Variants in FSTL5 observed in about 807,000 individuals in gnomAD.
FSTL5 encodes the protein follistatin like 5, also known as follistatin-related protein 5.
FSTL5 carries 62 observed loss-of-function variants against 89.1 expected under a neutral mutation model. The ratio of observed to expected loss-of-function variants is 0.70; its 90% confidence interval spans 0.57 to 0.86. The LOEUF is 0.86. FSTL5 is among the 40% of genes least tolerant of loss of function. FSTL5 has a pLI of 0.00. For missense variants in FSTL5, 1,057 were observed against 1,001.6 expected (o/e 1.06, Z -0.75); for synonymous variants, 383 against 346.2 (o/e 1.11, Z -1.18).
chr4:161,955,931 T>C (rs1045889928), intron 3 of FSTL5, among the ~76,000 whole-genome samples: 2 of 151,782 alleles, frequency 1.3e-5, no homozygotes, highest in African/African-American at 4.8e-5. Flanking sequence ...ACTTGTTCTC[T>C]ACCCTTCTAC....
At chr4:162,124,637 C>G (rs1167070444) in intron 1 of FSTL5, among the ~76,000 whole-genome samples, 1 of 152,158 alleles carries the variant, frequency 6.6e-6, no homozygotes, top group Non-Finnish European at 1.5e-5. Flanking sequence ...CAAAATAATA[C>G]TGAACGCTGG....
At chr4:161,698,516 C>T (rs150227500) in intron 6 of FSTL5, among the ~76,000 whole-genome samples, 138 of 152,168 alleles carry the variant, frequency 9.1e-4, no homozygotes, top group Non-Finnish European at 1.3e-3. Flanking sequence ...GTTGATGTGA[C>T]GGGGCTGTTT....
intron 4 of FSTL5, among the ~76,000 whole-genome samples, chr4:161,824,533 G>A (rs919979191): frequency 6.6e-6 from 1 of 151,506 alleles, no homozygotes; most frequent in Admixed American, 6.6e-5. Context: ...GGATTGTTTG[G>A]TTATTTTCAC....
At chr4:161,572,319 A>G (rs1003047281) in intron 8 of FSTL5, among the ~76,000 whole-genome samples, 1 of 26,514 alleles carries the variant, frequency 3.8e-5, no homozygotes. Context: ...GACTCCGTCT[A>G]AAAAAAAAAA....
chr4:161,837,505 C>T (rs570464632), intron 4 of FSTL5, among the ~76,000 whole-genome samples: 3 of 152,104 alleles, frequency 2.0e-5, no homozygotes, highest in South Asian at 4.1e-4. Flanking sequence ...GAAGAGAGGG[C>T]ATTTCACTAG....
chr4:161,930,543 G>A (rs1268843021), intron 3 of FSTL5, among the ~76,000 whole-genome samples: 1 of 151,250 alleles, frequency 6.6e-6, no homozygotes, highest in African/African-American at 2.4e-5. Context: ...AATGTTAGTA[G>A]CGTTTTCAAA....
intron 6 of FSTL5, among the ~76,000 whole-genome samples, chr4:161,731,659 A>C (rs1414884913): frequency 6.6e-6 from 1 of 151,970 alleles, no homozygotes; most frequent in African/African-American, 2.4e-5. Flanking sequence ...TCTTTATAGC[A>C]CTATGAGAAT....
intron 10 of FSTL5, among the ~76,000 whole-genome samples, chr4:161,532,434 C>T (rs540610863): frequency 1.3e-5 from 2 of 152,286 alleles, no homozygotes; most frequent in South Asian, 4.1e-4. Context: ...AAAATTTATA[C>T]TCTTCAGTTA....
At chr4:161,726,645 T>C (rs1739429302) in intron 6 of FSTL5, among the ~76,000 whole-genome samples, 1 of 152,174 alleles carries the variant, frequency 6.6e-6, no homozygotes, top group Non-Finnish European at 1.5e-5. Flanking sequence ...TTGCATCACA[T>C]AGGACTATTA....
chr4:161,973,531 G>A (rs1230603311), intron 3 of FSTL5, among the ~76,000 whole-genome samples: 1 of 152,182 alleles, frequency 6.6e-6, no homozygotes, highest in African/African-American at 2.4e-5. Flanking sequence ...CTAAATAACT[G>A]TATTTATGTA....
chr4:161,680,190 G>C lies in FSTL5; in HGVS notation c.728-23696C>G, dbSNP rs114995985. Among the ~76,000 whole-genome samples the C allele has an allele frequency of 8.4e-3, 1,274 of 151,828 alleles. 21 individuals carry two copies. Among genetic ancestry groups the C allele is most frequent in the African/African-American group, 0.029 (1,197 of 41,496 alleles). ...AAAAATGAATATAACCCAAGTCTCA[G>C]TTTAAGTACCTAGTGCTTTTAAATT... On this transcript the variant is annotated intron_variant, in intron 6 of 15. Transcript: ENST00000306100.
chr4:162,124,911 G>A (rs1000404349), intron 1 of FSTL5, among the ~76,000 whole-genome samples: 1 of 152,188 alleles, frequency 6.6e-6, no homozygotes, highest in East Asian at 1.9e-4. Flanking sequence ...CACCGTGTTA[G>A]CCAGGATGGT....
chr4:161,950,106 T>C (rs1734849948), intron 3 of FSTL5, among the ~76,000 whole-genome samples: 1 of 152,150 alleles, frequency 6.6e-6, no homozygotes, highest in Non-Finnish European at 1.5e-5. Flanking sequence ...TACATCTGTT[T>C]TGAAATAGTT....
intron 6 of FSTL5, among the ~76,000 whole-genome samples, chr4:161,745,032 A>T (rs926584893): frequency 6.6e-6 from 1 of 152,044 alleles, no homozygotes; most frequent in Admixed American, 6.6e-5. Context: ...GAGGAAAAAA[A>T]AAAGAAATAC....
intron 1 of FSTL5, among the ~76,000 whole-genome samples, chr4:162,127,017 T>G (rs935425112): frequency 6.6e-6 from 1 of 152,076 alleles, no homozygotes; most frequent in Admixed American, 6.6e-5. Context: ...AGCATCCACC[T>G]CTCTCAACAC....
chr4:161,725,954 T>C (rs1739386883), intron 6 of FSTL5, among the ~76,000 whole-genome samples: 1 of 152,196 alleles, frequency 6.6e-6, no homozygotes, highest in African/African-American at 2.4e-5. Context: ...AAAACCACAG[T>C]TACTTTTTCA....
intron 1 of FSTL5, among the ~76,000 whole-genome samples, chr4:162,143,737 CACA>C (rs1732843010): frequency 7.6e-6 from 1 of 131,592 alleles, no homozygotes; most frequent in African/African-American, 2.9e-5. Context: ...CACACACACA[CACA>C]CACACACACC....
intron 3 of FSTL5, among the ~76,000 whole-genome samples, chr4:161,924,863 G>A (rs1019847422): frequency 1.4e-4 from 22 of 151,798 alleles, no homozygotes; most frequent in African/African-American, 3.6e-4. Context: ...TATTTAAAGC[G>A]TCAAGTTATT....
intron 7 of FSTL5, among the ~76,000 whole-genome samples, chr4:161,647,604 T>C (rs1457922862): frequency 6.6e-6 from 1 of 151,996 alleles, no homozygotes; most frequent in Non-Finnish European, 1.5e-5. Context: ...GTTTTAGAGA[T>C]CTGCTATAAA....
Sources: allele counts gnomAD v4.1 joint callset (sites outside exome capture counted in the v4.1 genomes callset), GRCh38; gene constraint gnomAD v4.1.1; transcripts MANE v1.5; gene names NCBI Gene and HGNC (gene_info 2026-07-23, HGNC 2026-07-21).